CYP2E1: variants seen among roughly 807,000 people sequenced by gnomAD.
The protein encoded by CYP2E1 is cytochrome P450 2E1.
CYP2E1 carries 31 observed loss-of-function variants against 42.9 expected under a neutral mutation model. That is an observed-to-expected ratio of 0.72 (90% CI 0.54 to 0.98). CYP2E1 has a LOEUF of 0.98. CYP2E1 is among the 50% of genes least tolerant of loss of function. CYP2E1 has a pLI of 0.00. For synonymous variants in CYP2E1, 244 were observed against 248.9 expected (o/e 0.98, Z 0.19); for missense variants, 565 against 633.2 (o/e 0.89, Z 1.16).
At position 133,527,489 on chromosome 10, in the gene CYP2E1, C is replaced by T; in HGVS notation, c.94C>T (p.Leu32=). The change falls in exon 1 of 9, where the codon CTG becomes TTG. Residue 32 remains leucine, a synonymous_variant. Coordinates refer to ENST00000252945, the MANE Select transcript of CYP2E1 (RefSeq NM_000773.4). ...GAGGCAGGTGCACAGCAGCTGGAATCTGCCCCCAGGCCCTTTCCCGCTTCC... is the reference window on the plus strand; with the variant it reads ...GAGGCAGGTGCACAGCAGCTGGAATTTGCCCCCAGGCCCTTTCCCGCTTCC... The part of the protein sequence containing the change: ...MWRQVHSSWN[L]PPGPFPLPII... 6.2e-7 allele frequency: 1 copy of T among 1,613,742 alleles called. No homozygotes were observed. Among genetic ancestry groups the T allele is most frequent in the Non-Finnish European group, 8.5e-7 (1 of 1,179,994 alleles).
intron 2 of CYP2E1, among the ~76,000 whole-genome samples, chr10:133,530,942 G>A (rs1851328258): frequency 6.6e-6 from 1 of 152,204 alleles, no homozygotes; most frequent in Non-Finnish European, 1.5e-5. Flanking sequence ...GATTCCAAAT[G>A]TGTTCATACT....
chr10:133,528,645 G>A lies in CYP2E1; in HGVS notation c.337+5G>A. The A allele has an allele frequency of 6.2e-7, 1 of 1,612,926 alleles. No homozygotes were observed. The highest frequency in any genetic ancestry group is 8.5e-7 in the Non-Finnish European group (1 of 1,179,908). On this transcript the variant is annotated splice_donor_5th_base_variant and intron_variant, in intron 2 of 8. Coordinates refer to ENST00000252945, the MANE Select transcript of CYP2E1 (RefSeq NM_000773.4). ...TCCATGCGCACAGGGACAGGGGTGA[G>A]TCCGCGTCCCTGGCACGGAGCGGGG...
At position 133,537,150 on chromosome 10, in the gene CYP2E1, C is replaced by T; in HGVS notation, c.1055C>T (p.Ala352Val). The T allele has an allele frequency of 1.9e-6, 3 of 1,614,100 alleles. No homozygotes were observed. The highest frequency in any genetic ancestry group is 1.7e-6 in the Non-Finnish European group (2 of 1,179,992). ...KDRQEMPYMD[A>V]VVHEIQRFIT... ...AGGCAAGAGATGCCCTACATGGATG[C>T]TGTGGTGCATGAGATTCAGCGGTTC... Residue 352 changes from alanine to valine, a missense_variant, in exon 7 of 9, where the codon GCT becomes GTT. Ala to Val is a moderately conservative substitution (Grantham distance 64). Coordinates refer to ENST00000252945, the MANE Select transcript of CYP2E1 (RefSeq NM_000773.4).
At chr10:133,531,489 C>A in intron 2 of CYP2E1, 96 bp from the exon 3 acceptor site, 1 of 1,394,596 alleles carries the variant, frequency 7.2e-7, no homozygotes, top group East Asian at 2.3e-5. Flanking sequence ...TCTTTATACA[C>A]CTGTAAATCC....
chr10:133,528,557 C>A lies in CYP2E1; in HGVS notation c.254C>A (p.Ala85Glu). Residue 85 changes from alanine (A) to glutamate (E), a missense_variant, in exon 2 of 9, where the codon GCG becomes GAG. Coordinates refer to ENST00000252945, the MANE Select transcript of CYP2E1 (RefSeq NM_000773.4). ...QRMVVMHGYK[A>E]VKEALLDYKD... ...ATGGTGGTGATGCACGGCTACAAGG[C>A]GGTGAAGGAAGCGCTGCTGGACTAC... The A allele has an allele frequency of 6.2e-7, 1 of 1,613,502 alleles. No individual in the cohort carries two copies. Among genetic ancestry groups the A allele is most frequent in the Non-Finnish European group, 8.5e-7 (1 of 1,179,954 alleles).
rs1851444111 is a variant in CYP2E1, at chr10:133,538,993, CTTTCAAACAAGT to C, written c.*37_*48del. The stretch of plus-strand genomic sequence containing the variant: ...TGTGGAGGACACCCTGAACCCCCCG[CTTTCAAACAAGT>C]TTTCAAATTGTTTGAGGTCAGGATT... On this transcript the variant is annotated 3_prime_UTR_variant, in exon 9 of 9. Transcript: ENST00000252945. 1 of 1,533,796 alleles carries C rather than the reference CTTTCAAACAAGT, an allele frequency of 6.5e-7. No homozygotes were observed. The highest frequency in any genetic ancestry group is 8.8e-7 in the Non-Finnish European group (1 of 1,138,184).
intron 5 of CYP2E1, among the ~76,000 whole-genome samples, chr10:133,533,309 C>T (rs1335166192): frequency 6.6e-6 from 1 of 152,204 alleles, no homozygotes; most frequent in African/African-American, 2.4e-5. Flanking sequence ...TTCTTGTATC[C>T]TTGTCTTGTC....
intron 2 of CYP2E1, among the ~76,000 whole-genome samples, chr10:133,530,425 C>T (rs1226671847): frequency 6.6e-6 from 1 of 152,154 alleles, no homozygotes; most frequent in East Asian, 1.9e-4. Flanking sequence ...CTCAGTCCTT[C>T]CTCCCCACCT....
chr10:133,535,077 C>G (rs565051676), intron 6 of CYP2E1, among the ~76,000 whole-genome samples: 3 of 152,086 alleles, frequency 2.0e-5, no homozygotes, highest in South Asian at 2.1e-4. Context: ...TGGCTCATAC[C>G]TGTAATCCTG....
Position 133,537,321 on chromosome 10 carries a change from C to A in CYP2E1, c.1155+71C>A, listed in dbSNP as rs371936931. 4,712 of 1,532,242 alleles carry A rather than the reference C, an allele frequency of 3.1e-3. 183 individuals carry two copies. In the South Asian group the frequency reaches 0.054, roughly 18 times the overall value. 94.9% of individuals were successfully genotyped at this position (1,532,242 alleles called of 1,614,324 possible). On this transcript the variant is annotated intron_variant, in intron 7 of 8. Transcript: ENST00000252945. ...AGCTAATCGCCTTCCTGCCAGGGAG[C>A]AGGATGGGGGCCCCAAGACCCTTCC...
chr10:133,533,201 A>G (rs41299428), intron 5 of CYP2E1, among the ~76,000 whole-genome samples: 5,990 of 152,176 alleles, frequency 0.039, 153 homozygotes, highest in Middle Eastern at 0.085. Flanking sequence ...GCACTCCCCA[A>G]CTGTGCGCAG....
At chr10:133,535,983 G>A (rs1851390079) in intron 6 of CYP2E1, among the ~76,000 whole-genome samples, 1 of 152,152 alleles carries the variant, frequency 6.6e-6, no homozygotes, top group African/African-American at 2.4e-5. Flanking sequence ...AACACGGGGA[G>A]GCTAGGCGAC....
At position 133,532,134 on chromosome 10, in the gene CYP2E1, C is replaced by T. The variant is rs75795289; in HGVS notation, c.498C>T (p.Phe166=). The T allele has an allele frequency of 1.2e-3, 1,890 of 1,613,396 alleles. 4 individuals carry two copies. The highest frequency in any genetic ancestry group is 1.5e-3 in the Non-Finnish European group (1,814 of 1,179,638). ...CTGCCTGTTTTGTAGGCCAGCCTTT[C>T]GACCCCACCTTCCTCATCGGCTGCG... ...EALRKTQGQP[F]DPTFLIGCAP... is the part of the protein sequence containing the mutation. The change falls in exon 4 of 9, where the codon TTC becomes TTT. Residue 166 remains phenylalanine (F), a synonymous_variant. Transcript: ENST00000252945.
rs769652112 is a variant in CYP2E1, at chr10:133,527,614, A to G, written c.177+42A>G. 3.3e-6 allele frequency: 5 copies of G among 1,510,382 alleles called. No individual in the cohort carries two copies. In the East Asian group the frequency reaches 6.8e-5, roughly 21 times the overall value. 93.6% of individuals were successfully genotyped at this position (1,510,382 alleles called of 1,614,324 possible). A position where few individuals can be genotyped will look rare whatever the true frequency, so the allele number is the denominator to read the frequency against. On this transcript the variant is annotated intron_variant, in intron 1 of 8. Coordinates refer to ENST00000252945, the MANE Select transcript of CYP2E1 (RefSeq NM_000773.4). ...TGATTTTAGGGAGAATAACTCAGCA[A>G]TTGGATCTGGTATGTGTGTATTCAA... is the stretch of plus-strand genomic sequence containing the variant.
rs191453324 is a variant in CYP2E1, at chr10:133,535,715, G to A, written c.968-1348G>A. Among the ~76,000 whole-genome samples, 318 of 152,228 alleles carry A rather than the reference G, an allele frequency of 2.1e-3. 1 individual carries two copies. The highest frequency in any genetic ancestry group is 6.6e-3 in the African/African-American group (275 of 41,518). ...AATTGAACGTTTATTAACATTTTGC[G>A]ATACTTCCATCAGAGCTCTTAAAAA... is the stretch of plus-strand genomic sequence containing the variant. On this transcript the variant is annotated intron_variant, in intron 6 of 8. Transcript: ENST00000252945.
chr10:133,531,755 A>C (rs767281521), intron 3 of CYP2E1, 21 bp downstream of exon 3: 8 of 1,566,852 alleles, frequency 5.1e-6, no homozygotes, highest in Non-Finnish European at 6.9e-6. Context: ...GCTGCCTAGC[A>C]GGGCCCAGTC....
rs55897648 is a variant in CYP2E1, at chr10:133,537,760, G to A, written c.1165G>A (p.Val389Ile). 4,194 of 1,613,374 alleles carry A rather than the reference G, an allele frequency of 2.6e-3. 11 individuals carry two copies. Among genetic ancestry groups the A allele is most frequent in the Non-Finnish European group, 2.8e-3 (3,306 of 1,179,576 alleles). Residue 389 changes from valine (V) to isoleucine (I), a missense_variant, in exon 8 of 9, where the codon GTA becomes ATA. By Grantham distance (29) the Val-to-Ile change is conservative (BLOSUM62 3). Coordinates refer to ENST00000252945, the MANE Select transcript of CYP2E1 (RefSeq NM_000773.4). The stretch of plus-strand genomic sequence containing the variant: ...TCTTTGTTTCTCCTAGGGCACAGTC[G>A]TAGTGCCAACTCTGGACTCTGTTTT... ...RGYLIPKGTV[V>I]VPTLDSVLYD... is the part of the protein sequence containing the mutation.
In CYP2E1 at chr10:133,536,829, G is replaced by T. The variant is rs143586548; in HGVS notation, c.968-234G>T. 9.4e-3 allele frequency among the ~76,000 whole-genome samples: 1,237 copies of T among 131,454 alleles called. 1 individual carries two copies. The highest frequency in any genetic ancestry group is 0.035 in the African/African-American group (1,174 of 34,028). The allele number at this position is 131,454 out of a possible 152,430, so 86.2% of individuals were successfully genotyped here. A position where few individuals can be genotyped will look rare whatever the true frequency, so the allele number is the denominator to read the frequency against. The stretch of plus-strand genomic sequence containing the variant: ...GATGGGTGGTTGGATGGATGGGTGG[G>T]TGGGTGGATGGGAGGGTGGATGGCT... On this transcript the variant is annotated intron_variant, in intron 6 of 8. Coordinates refer to ENST00000252945, the MANE Select transcript of CYP2E1 (RefSeq NM_000773.4).
Position 133,532,779 on chromosome 10 carries a change from G to A in CYP2E1, c.736G>A (p.Val246Met), listed in dbSNP as rs756879881. The A allele has an allele frequency of 5.0e-6, 8 of 1,613,592 alleles. No individual in the cohort carries two copies. In the African/African-American group the frequency reaches 1.1e-4, roughly 22 times the overall value. ...IKNVAEVKEY[V>M]SERVKEHHQS... ...AAATGTGGCTGAAGTAAAAGAGTAT[G>A]TGTCTGAAAGGGTGAAGGAGCACCA... Residue 246 changes from valine to methionine, a missense_variant, in exon 5 of 9, where the codon GTG becomes ATG. Transcript: ENST00000252945.
Sources: allele counts gnomAD v4.1 joint callset (sites outside exome capture counted in the v4.1 genomes callset), GRCh38; gene constraint gnomAD v4.1.1; transcripts MANE v1.5; gene names NCBI Gene and HGNC (gene_info 2026-07-23, HGNC 2026-07-21).